Variants in PDE4D observed in about 807,000 individuals in gnomAD.
PDE4D encodes phosphodiesterase 4D, also known as 3',5'-cyclic-AMP phosphodiesterase 4D.
In PDE4D, 24 loss-of-function variants were observed where a neutral mutation model predicts 87.4. The ratio of observed to expected loss-of-function variants is 0.27; its 90% CI spans 0.20 to 0.39. The LOEUF is 0.39. Ranked by LOEUF, PDE4D falls within the 10% of genes least tolerant of loss-of-function variation. The probability of loss-of-function intolerance (pLI) is 1.00; values close to 1 mark genes in which losing one functional copy is unlikely to be tolerated. For missense variants in PDE4D, 714 were observed against 1,041.0 expected (o/e 0.69, Z 4.32); for synonymous variants, 384 against 383.2 (o/e 1.00, Z -0.02).
At chr5:59,423,223 G>A (rs1306364910) in intron 1 of PDE4D, among the ~76,000 whole-genome samples, 1 of 152,120 alleles carries the variant, frequency 6.6e-6, no homozygotes, top group African/African-American at 2.4e-5. Context: ...CTCATCCTCA[G>A]GCCTCATCAT....
chr5:60,026,927 C>G (rs1004523741), intron 2 of PDE4D, among the ~76,000 whole-genome samples: 1 of 152,134 alleles, frequency 6.6e-6, no homozygotes, highest in Non-Finnish European at 1.5e-5. Flanking sequence ...AAAGCCTTTA[C>G]ACACGCAAAT....
At chr5:59,787,765 T>C (rs1765331514) in intron 1 of PDE4D, among the ~76,000 whole-genome samples, 2 of 152,232 alleles carry the variant, frequency 1.3e-5, no homozygotes, top group African/African-American at 4.8e-5. Context: ...GAGATTTTAA[T>C]TCACTCCTTG....
chr5:59,935,804 G>A (rs1756501684), intron 3 of PDE4D, among the ~76,000 whole-genome samples: 1 of 152,120 alleles, frequency 6.6e-6, no homozygotes, highest in Admixed American at 6.5e-5. Flanking sequence ...TTTTATGGCT[G>A]CATAGTATTC....
At chr5:59,086,090 A>G (rs1767629520) in intron 5 of PDE4D, among the ~76,000 whole-genome samples, 1 of 152,192 alleles carries the variant, frequency 6.6e-6, no homozygotes, top group African/African-American at 2.4e-5. Context: ...CACTTTACAC[A>G]GGAGAAAATC....
intron 1 of PDE4D, among the ~76,000 whole-genome samples, chr5:59,272,162 T>C (rs1386629429): frequency 1.3e-5 from 2 of 152,040 alleles, no homozygotes; most frequent in African/African-American, 2.4e-5. Context: ...TGATCTTACA[T>C]GTAACACATA....
chr5:60,276,873 G>A (rs1751420379), intron 1 of PDE4D, among the ~76,000 whole-genome samples: 1 of 151,248 alleles, frequency 6.6e-6, no homozygotes, highest in Admixed American at 6.6e-5. Flanking sequence ...GCTTTTCTGT[G>A]ATTAATATTT....
intron 1 of PDE4D, among the ~76,000 whole-genome samples, chr5:59,281,521 C>T (rs1765795565): frequency 6.6e-6 from 1 of 152,120 alleles, no homozygotes; most frequent in African/African-American, 2.4e-5. Context: ...TCTCTCTAAG[C>T]ATAGGTAAAT....
chr5:59,807,150 A>G (rs752482533), intron 1 of PDE4D, among the ~76,000 whole-genome samples: 5 of 152,150 alleles, frequency 3.3e-5, no homozygotes, highest in Non-Finnish European at 5.9e-5. Flanking sequence ...CCAGGGATTC[A>G]GCATCTAAGC....
intron 1 of PDE4D, among the ~76,000 whole-genome samples, chr5:59,305,435 T>C (rs529356420): frequency 6.6e-6 from 1 of 152,174 alleles, no homozygotes; most frequent in Non-Finnish European, 1.5e-5. Context: ...ATTTCCTTTC[T>C]TCTGCTGGGT....
chr5:59,669,895 G>A (rs1746905387), intron 1 of PDE4D, among the ~76,000 whole-genome samples: 1 of 152,070 alleles, frequency 6.6e-6, no homozygotes, highest in African/African-American at 2.4e-5. Context: ...TTAAAACACA[G>A]CATTTTGGGC....
intron 1 of PDE4D, among the ~76,000 whole-genome samples, chr5:59,659,434 C>T (rs1744884712): frequency 6.6e-6 from 1 of 152,182 alleles, no homozygotes; most frequent in African/African-American, 2.4e-5. Context: ...TTTTGGTTTC[C>T]TCTGTAAGCT....
chr5:59,874,157 C>T (rs1013804314), intron 1 of PDE4D, among the ~76,000 whole-genome samples: 1 of 152,094 alleles, frequency 6.6e-6, no homozygotes, highest in African/African-American at 2.4e-5. Flanking sequence ...GAGCCATAAT[C>T]ATGCCACTGC....
chr5:59,796,529 T>C (rs533767275), intron 1 of PDE4D, among the ~76,000 whole-genome samples: 1 of 152,324 alleles, frequency 6.6e-6, no homozygotes, highest in Admixed American at 6.5e-5. Flanking sequence ...GTGTGTCCTC[T>C]TGGAGGCCAT....
chr5:60,095,867 T>TA (rs1326389243), intron 2 of PDE4D, among the ~76,000 whole-genome samples: 3 of 152,166 alleles, frequency 2.0e-5, no homozygotes, highest in African/African-American at 7.2e-5. Context: ...TTTTTATATA[T>TA]TTTTTGGCCA....
chr5:60,171,934 C>T (rs1783469109), intron 2 of PDE4D, among the ~76,000 whole-genome samples: 1 of 151,486 alleles, frequency 6.6e-6, no homozygotes, highest in East Asian at 1.9e-4. Context: ...ACTTTTTCCT[C>T]ATATTCTCTT....
At chr5:60,344,646 C>A (rs1310065114) in intron 1 of PDE4D, among the ~76,000 whole-genome samples, 2 of 152,038 alleles carry the variant, frequency 1.3e-5, no homozygotes, top group East Asian at 3.8e-4. Context: ...AGTCTTATTA[C>A]GAAAGCAATA....
intron 1 of PDE4D, among the ~76,000 whole-genome samples, chr5:59,737,329 G>A (rs1425837997): frequency 6.6e-6 from 1 of 151,872 alleles, no homozygotes; most frequent in African/African-American, 2.4e-5. Context: ...AATGCCTTTC[G>A]GTATGTATTA....
At chr5:60,338,457 T>C (rs1157485465) in intron 1 of PDE4D, among the ~76,000 whole-genome samples, 1 of 152,166 alleles carries the variant, frequency 6.6e-6, no homozygotes, top group Non-Finnish European at 1.5e-5. Flanking sequence ...AACAGCCTCT[T>C]GACCTTTAAC....
chr5:60,252,620 T>G (rs1359803456), intron 1 of PDE4D, among the ~76,000 whole-genome samples: 1 of 151,730 alleles, frequency 6.6e-6, no homozygotes, highest in African/African-American at 2.4e-5. Flanking sequence ...CGGATAGAAA[T>G]GAAGGATGCT....
Sources: gnomAD v4.1 joint callset for allele counts (sites outside exome capture counted in the v4.1 genomes callset) on GRCh38, gnomAD v4.1.1 for gene constraint, MANE v1.5 for transcripts, NCBI Gene and HGNC (gene_info 2026-07-23, HGNC 2026-07-21) for gene names.